The following STK39 variants were observed in gnomAD, a reference collection of about 807,000 sequenced individuals.
The protein encoded by STK39 is serine/threonine kinase 39.
STK39 carries 20 observed loss-of-function variants against 77.8 expected under a neutral mutation model. That is an observed-to-expected ratio of 0.26 (90% CI 0.18 to 0.37). The LOEUF (loss-of-function observed/expected upper bound fraction) is 0.37. STK39 is among the 10% of genes least tolerant of loss of function. The probability of loss-of-function intolerance (pLI) is 1.00; values close to 1 mark genes in which losing one functional copy is unlikely to be tolerated. For missense variants in STK39, 479 were observed against 656.5 expected (o/e 0.73, Z 2.95); for synonymous variants, 246 against 234.1 (o/e 1.05, Z -0.47).
At chr2:167,986,838 T>C (rs1683572723) in intron 16 of STK39, among the ~76,000 whole-genome samples, 1 of 152,098 alleles carries the variant, frequency 6.6e-6, no homozygotes, top group Non-Finnish European at 1.5e-5. Context: ...CCTCATGCAG[T>C]GTGCAGTAAT....
At chr2:168,052,971 C>G (rs143590337) in intron 14 of STK39, among the ~76,000 whole-genome samples, 1 of 152,306 alleles carries the variant, frequency 6.6e-6, no homozygotes, top group African/African-American at 2.4e-5. Context: ...TCTGCTGACC[C>G]AAGAGCCAGA....
chr2:168,115,085 C>T (rs761291992), intron 10 of STK39, among the ~76,000 whole-genome samples: 1 of 152,088 alleles, frequency 6.6e-6, no homozygotes, highest in Non-Finnish European at 1.5e-5. Context: ...TGAAGTACCT[C>T]GTATAATCTA....
intron 1 of STK39, among the ~76,000 whole-genome samples, chr2:168,235,519 C>T (rs913662516): frequency 1.3e-5 from 2 of 151,570 alleles, no homozygotes; most frequent in Non-Finnish European, 2.9e-5. Flanking sequence ...CATATGTATA[C>T]ATGTGCCATG....
chr2:168,122,855 T>C (rs1236845578), intron 10 of STK39, among the ~76,000 whole-genome samples: 1 of 152,246 alleles, frequency 6.6e-6, no homozygotes, highest in Non-Finnish European at 1.5e-5. Flanking sequence ...GAAAAAAGAT[T>C]AATGATTCAA....
intron 1 of STK39, among the ~76,000 whole-genome samples, chr2:168,185,980 G>A (rs1288687230): frequency 6.6e-6 from 1 of 152,120 alleles, no homozygotes; most frequent in Admixed American, 6.6e-5. Flanking sequence ...AAATGCTGTT[G>A]TGGACTGAAT....
intron 13 of STK39, among the ~76,000 whole-genome samples, chr2:168,064,622 G>T (rs576794776): frequency 6.6e-6 from 1 of 152,306 alleles, no homozygotes; most frequent in African/African-American, 2.4e-5. Flanking sequence ...AAGTAAAACA[G>T]AAATGAATTT....
chr2:168,137,433 G>C (rs1559114778), intron 8 of STK39, among the ~76,000 whole-genome samples: 1 of 152,072 alleles, frequency 6.6e-6, no homozygotes, highest in Non-Finnish European at 1.5e-5. Context: ...TCACTAACCA[G>C]GATATTTCAA....
Position 168,078,331 on chromosome 2 carries a change from G to C in STK39, c.1090-3100C>G, listed in dbSNP as rs184129298. Among the ~76,000 whole-genome samples, 4 of 152,272 alleles carry C rather than the reference G, an allele frequency of 2.6e-5. No homozygotes were observed. The East Asian group carries it at 7.7e-4, about 29-fold the overall frequency. On this transcript the variant is annotated intron_variant, in intron 10 of 17. Transcript: ENST00000355999. ...AGCCAGATGAACAAAGGAGAAGCAT[G>C]GTTCCTGGCCAGTGCTGGTGGCCAC... is the stretch of plus-strand genomic sequence containing the variant.
rs1475173168 is a variant in STK39 at position 168,164,025 on chromosome 2, A to C, written c.431-145T>G. Reference sequence around the variant, plus strand: ...ATTCCCAAGGCAAACAAACAATTGAATGGGGGCCCCATGACCAAAAACACT... The same window carrying C: ...ATTCCCAAGGCAAACAAACAATTGACTGGGGGCCCCATGACCAAAAACACT... On this transcript the variant is annotated intron_variant, in intron 3 of 17. Transcript: ENST00000355999. 6 of 1,266,774 alleles carry C rather than the reference A, an allele frequency of 4.7e-6. No individual in the cohort carries two copies. The African/African-American group carries it at 9.1e-5, about 19-fold the overall frequency. 78.5% of individuals were successfully genotyped at this position (1,266,774 alleles called of 1,614,324 possible).
chr2:168,222,713 G>C (rs1030959093), intron 1 of STK39, among the ~76,000 whole-genome samples: 1 of 152,156 alleles, frequency 6.6e-6, no homozygotes, highest in African/African-American at 2.4e-5. Flanking sequence ...TATAGGAGGT[G>C]CTTAACTAAT....
At chr2:168,061,967 T>C (rs1158976881) in intron 14 of STK39, among the ~76,000 whole-genome samples, 1 of 152,188 alleles carries the variant, frequency 6.6e-6, no homozygotes, top group East Asian at 1.9e-4. Flanking sequence ...AACAGAAAAG[T>C]CGGTTTAATC....
intron 2 of STK39, among the ~76,000 whole-genome samples, chr2:168,172,728 G>A (rs547235336): frequency 7.2e-5 from 11 of 152,216 alleles, no homozygotes; most frequent in African/African-American, 1.2e-4. Context: ...CCAAATTTGC[G>A]TATTTTACAA....
chr2:168,018,739 T>A (rs1398535766), intron 14 of STK39, among the ~76,000 whole-genome samples: 2 of 152,104 alleles, frequency 1.3e-5, no homozygotes, highest in Non-Finnish European at 2.9e-5. Context: ...TAAAGCTCTG[T>A]GTAAAACCTC....
chr2:168,145,772 G>C (rs1688121364), intron 5 of STK39, among the ~76,000 whole-genome samples: 1 of 152,226 alleles, frequency 6.6e-6, no homozygotes, highest in Non-Finnish European at 1.5e-5. Flanking sequence ...GTGCTGGGGG[G>C]GTTCTGATAG....
At chr2:168,117,393 A>C (rs7569130) in intron 10 of STK39, among the ~76,000 whole-genome samples, 3,154 of 152,308 alleles carry the variant, frequency 0.021, 108 homozygotes, top group African/African-American at 0.072. Flanking sequence ...AAAAATAGTT[A>C]CTAATTGACC....
At chr2:167,980,297 A>G (rs1434472748) in intron 16 of STK39, among the ~76,000 whole-genome samples, 1 of 152,210 alleles carries the variant, frequency 6.6e-6, no homozygotes, top group Admixed American at 6.5e-5. Context: ...CAGTGAGAAG[A>G]AATATGCCAA....
intron 16 of STK39, among the ~76,000 whole-genome samples, chr2:168,002,634 A>G (rs77194965): frequency 6.6e-6 from 1 of 152,218 alleles, no homozygotes; most frequent in Non-Finnish European, 1.5e-5. Flanking sequence ...AGTTTGGCGC[A>G]GAGGAGTATG....
At chr2:167,993,336 A>G (rs1683750593) in intron 16 of STK39, among the ~76,000 whole-genome samples, 1 of 152,214 alleles carries the variant, frequency 6.6e-6, no homozygotes, top group Non-Finnish European at 1.5e-5. Flanking sequence ...GGGACTTCCA[A>G]GAGAGAAACT....
At chr2:168,010,405 T>G (rs568987886) in intron 16 of STK39, among the ~76,000 whole-genome samples, 6 of 152,348 alleles carry the variant, frequency 3.9e-5, no homozygotes, top group African/African-American at 1.4e-4. Flanking sequence ...CATAATGAAT[T>G]CTTAGACAGA....
Sources: allele counts gnomAD v4.1 joint callset (sites outside exome capture counted in the v4.1 genomes callset), GRCh38; gene constraint gnomAD v4.1.1; transcripts MANE v1.5; gene names NCBI Gene and HGNC (gene_info 2026-07-23, HGNC 2026-07-21).